ABAT: variants seen among roughly 807,000 people sequenced by gnomAD.
ABAT encodes the protein 4-aminobutyrate aminotransferase.
Under a neutral mutation model 64.6 loss-of-function variants are expected in ABAT, and 45 were observed. The ratio of observed to expected loss-of-function variants is 0.70; its 90% CI spans 0.55 to 0.89. ABAT has a LOEUF of 0.89. ABAT is among the 40% of genes least tolerant of loss of function. The probability of loss-of-function intolerance (pLI) is 0.00; values close to 1 mark genes in which losing one functional copy is unlikely to be tolerated. For synonymous variants in ABAT, 297 were observed against 250.5 expected (o/e 1.19, Z -1.75); for missense variants, 633 against 658.4 (o/e 0.96, Z 0.42).
In ABAT at chr16:8,769,550, C is replaced by T. The variant is rs1026723642; in HGVS notation, c.816+577C>T. ...CTCCAGCCTGGGTAACGGAGTGAGACTCTGTCCAAAAAAAAAAAAAAAAAA... is the reference window on the plus strand; with the variant it reads ...CTCCAGCCTGGGTAACGGAGTGAGATTCTGTCCAAAAAAAAAAAAAAAAAA... On this transcript the variant is annotated intron_variant, in intron 11 of 15. Transcript: ENST00000268251. Among the ~76,000 whole-genome samples, 4 of 116,344 alleles carry T rather than the reference C, an allele frequency of 3.4e-5. No homozygotes were observed. The Admixed American group carries it at 4.2e-4, about 12-fold the overall frequency. 76.3% of individuals were successfully genotyped at this position (116,344 alleles called of 152,430 possible). A position where few individuals can be genotyped will look rare whatever the true frequency, so the allele number is the denominator to read the frequency against.
intron 2 of ABAT, among the ~76,000 whole-genome samples, chr16:8,737,794 G>A (rs1344635754): frequency 6.7e-6 from 1 of 150,172 alleles, no homozygotes; most frequent in Non-Finnish European, 1.5e-5. Flanking sequence ...CGGGTGTGGT[G>A]GCAGGCACCT....
intron 5 of ABAT, among the ~76,000 whole-genome samples, chr16:8,753,164 G>A (rs2059542168): frequency 4.0e-5 from 6 of 151,000 alleles, no homozygotes; most frequent in Admixed American, 4.0e-4. Flanking sequence ...CATGATCTCG[G>A]CTCACTGCAA....
At chr16:8,688,086 T>C (rs540825093) in intron 1 of ABAT, among the ~76,000 whole-genome samples, 107 of 149,060 alleles carry the variant, frequency 7.2e-4, no homozygotes, top group Non-Finnish European at 1.2e-3. Flanking sequence ...ATTTTTTTTG[T>C]AGAGGCAAGG....
At chr16:8,685,539 G>A (rs1333097596) in intron 1 of ABAT, among the ~76,000 whole-genome samples, 1 of 151,886 alleles carries the variant, frequency 6.6e-6, no homozygotes, top group Non-Finnish European at 1.5e-5. Context: ...AGCCTGGCGT[G>A]GCAGCCTGCG....
chr16:8,701,420 A>G (rs937441246), intron 1 of ABAT, among the ~76,000 whole-genome samples: 8 of 152,208 alleles, frequency 5.3e-5, no homozygotes, highest in African/African-American at 1.9e-4. Flanking sequence ...AGCATGCACT[A>G]TTGGCCAGGC....
intron 1 of ABAT, among the ~76,000 whole-genome samples, chr16:8,706,286 A>G (rs913033693): frequency 1.3e-4 from 19 of 150,946 alleles, no homozygotes; most frequent in African/African-American, 4.6e-4. Context: ...GGCACACACC[A>G]GTAGTCCCAG....
At chr16:8,754,701 TCTTTCTTTCTTTCTTTCTTTC>T (rs1596457787) in intron 5 of ABAT, among the ~76,000 whole-genome samples, 31 of 88,282 alleles carry the variant, frequency 3.5e-4, no homozygotes, top group East Asian at 7.9e-4. Context: ...TTTCTTTCTT[TCTTTCTTTCTTTCTTTCTTTC>T]TTTTTTTTTT....
chr16:8,757,630 A>C (rs971393614), intron 5 of ABAT, 127 bp from the exon 6 acceptor site: 5 of 1,062,278 alleles, frequency 4.7e-6, no homozygotes, highest in East Asian at 2.5e-5. Context: ...AACAAAGGAT[A>C]AAAGACCCTT....
intron 1 of ABAT, among the ~76,000 whole-genome samples, chr16:8,702,410 G>A (rs531480858): frequency 2.0e-5 from 3 of 152,050 alleles, no homozygotes; most frequent in South Asian, 4.2e-4. Context: ...GCACCACCAC[G>A]CCCAGTTAAT....
At chr16:8,685,357 T>C (rs920555487) in intron 1 of ABAT, among the ~76,000 whole-genome samples, 5 of 151,684 alleles carry the variant, frequency 3.3e-5, no homozygotes, top group Non-Finnish European at 7.4e-5. Flanking sequence ...AAGTAGGTAG[T>C]GCATAACTCT....
At chr16:8,690,654 G>A (rs935861592) in intron 1 of ABAT, among the ~76,000 whole-genome samples, 16 of 152,106 alleles carry the variant, frequency 1.1e-4, no homozygotes, top group South Asian at 2.1e-4. Context: ...TCTCATTCTC[G>A]GCAGTGCCTT....
At chr16:8,734,701 G>C (rs536895826) in intron 1 of ABAT, among the ~76,000 whole-genome samples, 1 of 152,194 alleles carries the variant, frequency 6.6e-6, no homozygotes, top group East Asian at 1.9e-4. Flanking sequence ...TCGCTGTTCT[G>C]AGATACAAAT....
At chr16:8,745,445 C>G (rs2059300999) in intron 2 of ABAT, among the ~76,000 whole-genome samples, 1 of 151,848 alleles carries the variant, frequency 6.6e-6, no homozygotes, top group African/African-American at 2.4e-5. Flanking sequence ...ACCTGTAATC[C>G]CAGCACTTTG....
At chr16:8,766,306 G>T (rs369154175) in intron 9 of ABAT, 36 bp downstream of exon 9, 7 of 1,602,626 alleles carry the variant, frequency 4.4e-6, no homozygotes, top group Non-Finnish European at 6.0e-6. Context: ...GTACATCTGG[G>T]GAAGCTGCAC....
At chr16:8,678,429 T>C (rs529873399) in intron 1 of ABAT, among the ~76,000 whole-genome samples, 1 of 152,338 alleles carries the variant, frequency 6.6e-6, no homozygotes. Context: ...CTGTTGTGTC[T>C]ATGACACTGT....
chr16:8,698,182 C>T (rs1242638481), intron 1 of ABAT, among the ~76,000 whole-genome samples: 1 of 152,186 alleles, frequency 6.6e-6, no homozygotes, highest in Non-Finnish European at 1.5e-5. Context: ...CTCTAGGGTT[C>T]CAACTTTGCC....
chr16:8,729,414 A>G (rs1186048782), intron 1 of ABAT, among the ~76,000 whole-genome samples: 3 of 152,316 alleles, frequency 2.0e-5, no homozygotes, highest in African/African-American at 7.2e-5. Flanking sequence ...CCTATGACTG[A>G]GGCCGAATGT....
At position 8,783,548 on chromosome 16, in the gene ABAT, C is replaced by A. The variant is rs116127070; in HGVS notation, c.*2118C>A. 1 of 152,336 alleles carries A rather than the reference C, an allele frequency of 6.6e-6. No homozygotes were observed. Among genetic ancestry groups the A allele is most frequent in the African/African-American group, 2.4e-5 (1 of 41,576 alleles). 9.4% of individuals were successfully genotyped at this position (152,336 alleles called of 1,614,324 possible). ...GGGAACAGCATATGCAAAGGCGTATCAGTTCATGGCATCACATCTTTCACT... is the reference window on the plus strand; with the variant it reads ...GGGAACAGCATATGCAAAGGCGTATAAGTTCATGGCATCACATCTTTCACT... On this transcript the variant is annotated 3_prime_UTR_variant, in exon 16 of 16. Coordinates refer to ENST00000268251, the MANE Select transcript of ABAT (RefSeq NM_020686.6).
At chr16:8,719,914 C>T (rs994536033) in intron 1 of ABAT, among the ~76,000 whole-genome samples, 1 of 152,200 alleles carries the variant, frequency 6.6e-6, no homozygotes, top group African/African-American at 2.4e-5. Flanking sequence ...CAGGTTTAAG[C>T]AATTCTCCTG....
Sources: gnomAD v4.1 joint callset for allele counts (sites outside exome capture counted in the v4.1 genomes callset) on GRCh38, gnomAD v4.1.1 for gene constraint, MANE v1.5 for transcripts, NCBI Gene and HGNC (gene_info 2026-07-23, HGNC 2026-07-21) for gene names.